Variants in CCNK observed in about 807,000 individuals in gnomAD.
CCNK encodes cyclin K.
Under a neutral mutation model 65.0 loss-of-function variants are expected in CCNK, and 9 were observed. The observed-to-expected ratio is 0.14, with a 90% CI of 0.08 to 0.24. The LOEUF (loss-of-function observed/expected upper bound fraction) is 0.24, where lower values mean the gene tolerates loss of function less well. Among genes scored for constraint, CCNK ranks in the 10% least tolerant of loss-of-function variants. The pLI, the probability that CCNK is intolerant of heterozygous loss-of-function variation, is 1.00. For synonymous variants in CCNK, 279 were observed against 270.8 expected (o/e 1.03, Z -0.30); for missense variants, 474 against 720.0 (o/e 0.66, Z 3.91).
chr14:99,497,798 T>G (rs1299719322), intron 4 of CCNK, among the ~76,000 whole-genome samples: 2 of 152,228 alleles, frequency 1.3e-5, no homozygotes, highest in Admixed American at 1.3e-4. Context: ...ACTAGTATTT[T>G]CTAAGTATTG....
At chr14:99,495,851 G>C (rs1946292022) in intron 4 of CCNK, among the ~76,000 whole-genome samples, 1 of 152,196 alleles carries the variant, frequency 6.6e-6, no homozygotes, top group Admixed American at 6.5e-5. Flanking sequence ...AGTATTCTAA[G>C]TACTTTGGGG....
At chr14:99,508,471 C>T (rs1897031243) in intron 10 of CCNK, 1 of 152,594 alleles carries the variant, frequency 6.6e-6, no homozygotes. Flanking sequence ...AGGAGTAGGC[C>T]TGGGACTTGA....
At chr14:99,497,428 C>T (rs376828558) in intron 4 of CCNK, among the ~76,000 whole-genome samples, 43 of 152,298 alleles carry the variant, frequency 2.8e-4, no homozygotes, top group African/African-American at 9.6e-4. Flanking sequence ...ATCAAATTAT[C>T]ACACACATAA....
chr14:99,510,347 C>T lies in CCNK; in HGVS notation c.1308C>T (p.Ser436=). The T allele has an allele frequency of 6.3e-7, 1 of 1,589,580 alleles. No homozygotes were observed. Among genetic ancestry groups the T allele is most frequent in the Non-Finnish European group, 8.6e-7 (1 of 1,167,806 alleles). The change falls in exon 11 of 11, where the codon AGC becomes AGT. Residue 436 remains serine (S), a synonymous_variant. Coordinates refer to ENST00000389879, the MANE Select transcript of CCNK (RefSeq NM_001099402.2). The stretch of plus-strand genomic sequence containing the variant: ...ACATGACCGGGATGTCCACCACCAG[C>T]TCCTACATGTCTGGAGAGGGCTACC... The part of the protein sequence containing the change: ...SSYMTGMSTT[S]SYMSGEGYQS...
intron 3 of CCNK, 78 bp downstream of exon 3, chr14:99,493,673 C>CT: frequency 1.1e-6 from 1 of 929,996 alleles, no homozygotes; most frequent in Middle Eastern, 2.4e-4. Context: ...ATTATAAGCT[C>CT]TATTTTTCTC....
chr14:99,500,280 A>C (rs530573814), intron 4 of CCNK: 1 of 157,672 alleles, frequency 6.3e-6, no homozygotes, highest in Non-Finnish European at 1.4e-5. Context: ...ATATGTGTAC[A>C]TGAGTATATA....
chr14:99,504,081 G>T (rs184007727), intron 9 of CCNK: 192 of 386,586 alleles, frequency 5.0e-4, no homozygotes, highest in African/African-American at 3.3e-3. Context: ...TGCAGGCAAG[G>T]CCTCTTTGAA....
At position 99,511,067 on chromosome 14, in the gene CCNK, GACGTTAACC is replaced by G; in HGVS notation, c.*287_*295del. On this transcript the variant is annotated 3_prime_UTR_variant, in exon 11 of 11. Coordinates refer to ENST00000389879, the MANE Select transcript of CCNK (RefSeq NM_001099402.2). ...CACTGGGTTACTTTATACTAGTGAG[GACGTTAACC>G]AGCCATATTGGCTCAATAAATAGCT... 1 of 280,460 alleles carries G rather than the reference GACGTTAACC, an allele frequency of 3.6e-6. No homozygotes were observed. The highest frequency in any genetic ancestry group is 6.6e-6 in the Non-Finnish European group (1 of 151,248). The allele number at this position is 280,460 out of a possible 1,614,324, so 17.4% of individuals were successfully genotyped here.
chr14:99,510,604 C>A lies in CCNK; in HGVS notation c.1565C>A (p.Pro522Gln). Reference sequence around the variant, plus strand: ...AACCCCAACTTCCCACCCCCACCCCCACGCCTCCCGCCTACCCACGCAGTC... The same window carrying A: ...AACCCCAACTTCCCACCCCCACCCCAACGCCTCCCGCCTACCCACGCAGTC... Reference protein sequence around the residue: ...TYNPNFPPPPPRLPPTHAVPP... With the variant: ...TYNPNFPPPPQRLPPTHAVPP... The change falls in exon 11 of 11, where the codon CCA becomes CAA. Residue 522 changes from proline (P) to glutamine (Q), a missense_variant. By Grantham distance (76) the Pro-to-Gln change is moderately conservative. Transcript: ENST00000389879. The A allele has an allele frequency of 9.4e-7, 1 of 1,061,412 alleles. No homozygotes were observed. The allele number at this position is 1,061,412 out of a possible 1,614,324, so 65.7% of individuals were successfully genotyped here.
At chr14:99,498,273 C>T (rs768610110) in intron 4 of CCNK, among the ~76,000 whole-genome samples, 20 of 152,166 alleles carry the variant, frequency 1.3e-4, no homozygotes, top group Admixed American at 1.2e-3. Context: ...TCTGAAGCTC[C>T]TGTGCCCCAG....
chr14:99,488,154 T>C (rs1158948231), intron 1 of CCNK, among the ~76,000 whole-genome samples: 1 of 152,168 alleles, frequency 6.6e-6, no homozygotes, highest in Non-Finnish European at 1.5e-5. Context: ...GTCATTCTCC[T>C]GTGTAATCAC....
In CCNK at chr14:99,512,331, C is replaced by T. The variant is rs1229086217; in HGVS notation, c.*1549C>T. Reference sequence around the variant, plus strand: ...GCCGGGCCCGGGGACAGAAACCAGACGTTCCAGTCCATCTCCAAAAAGCAG... The same window carrying T: ...GCCGGGCCCGGGGACAGAAACCAGATGTTCCAGTCCATCTCCAAAAAGCAG... On this transcript the variant is annotated 3_prime_UTR_variant, in exon 11 of 11. Transcript: ENST00000389879. The T allele has an allele frequency of 6.6e-6, 1 of 151,820 alleles. No homozygotes were observed. The highest frequency in any genetic ancestry group is 6.6e-5 in the Admixed American group (1 of 15,232). 9.4% of individuals were successfully genotyped at this position (151,820 alleles called of 1,614,324 possible).
At chr14:99,489,494 C>T (rs1488613521) in intron 1 of CCNK, among the ~76,000 whole-genome samples, 1 of 152,150 alleles carries the variant, frequency 6.6e-6, no homozygotes, top group Non-Finnish European at 1.5e-5. Flanking sequence ...CATGCCACTG[C>T]ACTTATAGCC....
intron 1 of CCNK, among the ~76,000 whole-genome samples, chr14:99,485,176 T>C (rs1896452954): frequency 6.6e-6 from 1 of 152,376 alleles, no homozygotes; most frequent in African/African-American, 2.4e-5. Context: ...ATTGTTTATA[T>C]TCTGCCTTGG....
chr14:99,504,453 T>G (rs1896922366), intron 9 of CCNK: 1 of 146,868 alleles, frequency 6.8e-6, no homozygotes, highest in South Asian at 2.1e-4. Flanking sequence ...ACAGGTGAAT[T>G]TTTTTTTTTT....
chr14:99,483,127 C>T (rs556382452), intron 1 of CCNK, among the ~76,000 whole-genome samples: 11 of 152,094 alleles, frequency 7.2e-5, no homozygotes, highest in Non-Finnish European at 1.3e-4. Context: ...TAGAACCATT[C>T]GATGGCTCTT....
In CCNK at chr14:99,502,142, A is replaced by G. The variant is rs2069498; in HGVS notation, c.576-65A>G. The G allele has an allele frequency of 4.2e-3, 6,166 of 1,484,084 alleles. 214 individuals carry two copies. The African/African-American group carries it at 0.077, about 18-fold the overall frequency. The allele number at this position is 1,484,084 out of a possible 1,614,324, so 91.9% of individuals were successfully genotyped here. Reference sequence around the variant, plus strand: ...ATTAATGGTTAGTTATGGCATCTCCATGCACTGGTTTAATCATAAATATTA... The same window carrying G: ...ATTAATGGTTAGTTATGGCATCTCCGTGCACTGGTTTAATCATAAATATTA... On this transcript the variant is annotated intron_variant, in intron 6 of 10. Transcript: ENST00000389879.
intron 1 of CCNK, among the ~76,000 whole-genome samples, chr14:99,486,397 A>G (rs374868046): frequency 6.6e-6 from 1 of 152,218 alleles, no homozygotes; most frequent in African/African-American, 2.4e-5. Flanking sequence ...ACAAGTTCAC[A>G]GAGTTCTGTA....
At chr14:99,492,451 G>T (rs1017747860) in intron 1 of CCNK, 175 bp from the exon 2 acceptor site, 14 of 497,322 alleles carry the variant, frequency 2.8e-5, no homozygotes, top group Non-Finnish European at 4.2e-5. Flanking sequence ...TAGTACTGGG[G>T]TCATCTTACA....
Sources: allele counts gnomAD v4.1 joint callset (sites outside exome capture counted in the v4.1 genomes callset), GRCh38; gene constraint gnomAD v4.1.1; transcripts MANE v1.5; gene names NCBI Gene and HGNC (gene_info 2026-07-23, HGNC 2026-07-21).